Variants in PMVK observed in about 807,000 individuals in gnomAD.
PMVK encodes the protein testis tissue sperm-binding protein Li 95mP.
Under a neutral mutation model 19.0 loss-of-function variants are expected in PMVK, and 10 were observed. The ratio of observed to expected loss-of-function variants is 0.53; its 90% CI spans 0.32 to 0.89. The LOEUF (loss-of-function observed/expected upper bound fraction) is 0.89. Ranked by LOEUF, PMVK falls within the 40% of genes least tolerant of loss-of-function variation. The probability of loss-of-function intolerance (pLI) is 0.03; values close to 1 mark genes in which losing one functional copy is unlikely to be tolerated. For missense variants in PMVK, 222 were observed against 251.1 expected (o/e 0.88, Z 0.78); for synonymous variants, 108 against 101.6 (o/e 1.06, Z -0.38).
chr1:154,931,185 C>T (rs1379296987), intron 2 of PMVK, among the ~76,000 whole-genome samples: 1 of 152,168 alleles, frequency 6.6e-6, no homozygotes, highest in Non-Finnish European at 1.5e-5. Context: ...AGAGATGACC[C>T]AATGCTTCCC....
rs780407520 is a variant in PMVK, at chr1:154,936,635, C to T, written c.51G>A (p.Lys17=). 3 of 1,609,574 alleles carry T rather than the reference C, an allele frequency of 1.9e-6. No homozygotes were observed. Among genetic ancestry groups the T allele is most frequent in the African/African-American group, 2.7e-5 (2 of 74,892 alleles). The change falls in exon 1 of 5, where the codon AAG becomes AAA. Residue 17 remains lysine, a synonymous_variant. Coordinates refer to ENST00000368467, the MANE Select transcript of PMVK (RefSeq NM_006556.4). ...APRLVLLFSG[K]RKSGKDFVTE... is the part of the protein sequence containing the mutation. ...TCACGAAGTCCTTCCCGGATTTCCT[C>T]TTGCCGCTGAACAGCAGTACCAGCC...
At position 154,929,079 on chromosome 1, in the gene PMVK, G is replaced by C; in HGVS notation, c.257C>G (p.Ala86Gly). The change falls in exon 3 of 5, where the codon GCT (alanine) becomes GGT (glycine). Residue 86 changes from alanine (A) to glycine (G), a missense_variant. Ala to Gly is a moderately conservative substitution (Grantham distance 60). Transcript: ENST00000368467. ...MIRWGEEKRQADPGFFCRKIV... is the reference protein window; with the variant it reads ...MIRWGEEKRQGDPGFFCRKIV... ...CTTCCTGCAAAAGAAGCCTGGGTCA[G>C]CCTGGCGTTTCTCCTCTCCCCAGCG... 6.2e-7 allele frequency: 1 copy of C among 1,614,180 alleles called. No homozygotes were observed. Among genetic ancestry groups the C allele is most frequent in the South Asian group, 1.1e-5 (1 of 91,084 alleles).
At chr1:154,933,906 T>G (rs1438188721) in intron 1 of PMVK, among the ~76,000 whole-genome samples, 1 of 152,164 alleles carries the variant, frequency 6.6e-6, no homozygotes, top group East Asian at 1.9e-4. Context: ...AACCATTTAT[T>G]GGGTACCATA....
Position 154,926,334 on chromosome 1 carries a change from C to A in PMVK, c.442+20G>T. On this transcript the variant is annotated intron_variant, in intron 4 of 4. Coordinates refer to ENST00000368467, the MANE Select transcript of PMVK (RefSeq NM_006556.4). ...TGGGTAGCCTGTGTCCTCCTGTGCCCTACACATAGAGTGGCTCACCTGGCG... is the reference window on the plus strand; with the variant it reads ...TGGGTAGCCTGTGTCCTCCTGTGCCATACACATAGAGTGGCTCACCTGGCG... The A allele has an allele frequency of 1.2e-6, 2 of 1,610,162 alleles. No homozygotes were observed. The highest frequency in any genetic ancestry group is 2.2e-5 in the East Asian group (1 of 44,850).
chr1:154,939,457 G>A (rs529311771), upstream of PMVK, among the ~76,000 whole-genome samples: 2 of 151,906 alleles, frequency 1.3e-5, no homozygotes, highest in East Asian at 3.9e-4. Context: ...AGGCCGAGGC[G>A]GGCAGATCAC....
At chr1:154,936,941 G>GCC, upstream of PMVK, 1 of 496,356 alleles carries the variant, frequency 2.0e-6, no homozygotes, top group South Asian at 2.0e-5. Context: ...CCCTCGTGAA[G>GCC]CTCCCCCACC....
At position 154,929,134 on chromosome 1, in the gene PMVK, A is replaced by T. The variant is rs554549635; in HGVS notation, c.202T>A (p.Tyr68Asn). 8 of 1,613,990 alleles carry T rather than the reference A, an allele frequency of 5.0e-6. No individual in the cohort carries two copies. Among genetic ancestry groups the T allele is most frequent in the African/African-American group, 1.3e-5 (1 of 75,024 alleles). ...NFQRLLDTST[Y>N]KEAFRKDMIR... ...ATGTCCTTCCGAAAGGCCTCCTTGT[A>T]GGTGCTGGTGTCCAGGAGTCTCTGG... Residue 68 changes from tyrosine to asparagine, a missense_variant, in exon 3 of 5, where the codon TAC becomes AAC. By Grantham distance (143) the Tyr-to-Asn change is moderately radical. Transcript: ENST00000368467.
At chr1:154,936,418 G>A (rs1654505963) in intron 1 of PMVK, 173 bp downstream of exon 1, 2 of 985,396 alleles carry the variant, frequency 2.0e-6, no homozygotes. Context: ...GCTCGCCTGT[G>A]TAGACTACTG....
intron 1 of PMVK, among the ~76,000 whole-genome samples, chr1:154,934,187 A>G (rs1033267285): frequency 5.3e-5 from 8 of 151,930 alleles, no homozygotes; most frequent in African/African-American, 1.9e-4. Flanking sequence ...TTTAGTAGAG[A>G]AGGGTTTTAC....
chr1:154,937,521 C>G (rs1654548530), upstream of PMVK: 1 of 152,260 alleles, frequency 6.6e-6, no homozygotes, highest in South Asian at 2.1e-4. Flanking sequence ...CATCCGAAGT[C>G]TGGCTCCCAG....
chr1:154,935,115 G>A (rs149056448), intron 1 of PMVK, among the ~76,000 whole-genome samples: 266 of 146,344 alleles, frequency 1.8e-3, no homozygotes, highest in African/African-American at 5.1e-3. Context: ...TGACAGATGT[G>A]TACAAGATCA....
rs1410274554 is a variant in PMVK at position 154,932,418 on chromosome 1, G to T, written c.96-3C>A. 1 of 1,603,348 alleles carries T rather than the reference G, an allele frequency of 6.2e-7. No individual in the cohort carries two copies. Among genetic ancestry groups the T allele is most frequent in the Admixed American group, 1.7e-5 (1 of 58,190 alleles). ...CAGCACAGACATCAGCTCCAAGTCT[G>T]CAGGACAGGGAGATCAGAATCCAGT... On this transcript the variant is annotated splice_region_variant and splice_polypyrimidine_tract_variant and intron_variant, in intron 1 of 4. Coordinates refer to ENST00000368467, the MANE Select transcript of PMVK (RefSeq NM_006556.4).
At chr1:154,937,124 G>C (rs942835180), upstream of PMVK, 2 of 166,026 alleles carry the variant, frequency 1.2e-5, no homozygotes, top group African/African-American at 4.8e-5. Context: ...AAAACTTTAG[G>C]AAAAAAAATC....
chr1:154,938,982 A>G (rs1200546789), upstream of PMVK, among the ~76,000 whole-genome samples: 1 of 151,934 alleles, frequency 6.6e-6, no homozygotes, highest in Non-Finnish European at 1.5e-5. Context: ...CAGCCTCCAA[A>G]AGTGCCGGGA....
chr1:154,925,663 G>T (rs960054412), intron 4 of PMVK, among the ~76,000 whole-genome samples: 10 of 152,204 alleles, frequency 6.6e-5, no homozygotes, highest in African/African-American at 2.4e-4. Context: ...AGAAGCAGAG[G>T]GTCAGGAGGC....
rs1450421040 is a variant in PMVK, at chr1:154,925,020, C to G, written c.*109G>C. 2.2e-6 allele frequency: 2 copies of G among 897,044 alleles called. No individual in the cohort carries two copies. Among genetic ancestry groups the G allele is most frequent in the East Asian group, 3.9e-5 (1 of 25,856 alleles). The allele number at this position is 897,044 out of a possible 1,614,324, so 55.6% of individuals were successfully genotyped here. A position where few individuals can be genotyped will look rare whatever the true frequency, so the allele number is the denominator to read the frequency against. ...CCACCAACCCCCTCAGAATCTAGAC[C>G]CCCCCTGTCTGTTCCTCACCTCGGC... On this transcript the variant is annotated 3_prime_UTR_variant, in exon 5 of 5. Transcript: ENST00000368467.
At chr1:154,935,350 C>T (rs1654470695) in intron 1 of PMVK, among the ~76,000 whole-genome samples, 1 of 152,100 alleles carries the variant, frequency 6.6e-6, no homozygotes, top group Admixed American at 6.5e-5. Flanking sequence ...TTCCTGGTAC[C>T]CCCACCACAC....
chr1:154,930,966 G>A (rs1045397754), intron 2 of PMVK, among the ~76,000 whole-genome samples: 6 of 151,680 alleles, frequency 4.0e-5, no homozygotes, highest in Admixed American at 1.3e-4. Context: ...GCATGCACCT[G>A]TATTCCTAGC....
chr1:154,934,594 C>T (rs1465665941), intron 1 of PMVK, among the ~76,000 whole-genome samples: 2 of 152,110 alleles, frequency 1.3e-5, no homozygotes, highest in Non-Finnish European at 2.9e-5. Context: ...AGGATTGACT[C>T]CCCCAAAGCA....
Sources: gnomAD v4.1 joint callset for allele counts (sites outside exome capture counted in the v4.1 genomes callset) on GRCh38, gnomAD v4.1.1 for gene constraint, MANE v1.5 for transcripts, NCBI Gene and HGNC (gene_info 2026-07-23, HGNC 2026-07-21) for gene names.